Variants in TM9SF2 observed in about 807,000 individuals in gnomAD.
TM9SF2 encodes transmembrane 9 superfamily member 2.
TM9SF2 carries 13 observed loss-of-function variants against 84.9 expected under a neutral mutation model. The ratio of observed to expected loss-of-function variants is 0.15; its 90% confidence interval spans 0.10 to 0.24. The LOEUF (loss-of-function observed/expected upper bound fraction) is 0.24. TM9SF2 is among the 10% of genes least tolerant of loss of function. The pLI is 1.00. For synonymous variants in TM9SF2, 273 were observed against 285.8 expected, an observed-to-expected ratio of 0.96 and a Z score of 0.45; for missense variants, 562 against 818.5, an observed-to-expected ratio of 0.69 and a Z score of 3.82.
intron 1 of TM9SF2, among the ~76,000 whole-genome samples, chr13:99,517,412 A>T (rs983199610): frequency 1.3e-5 from 2 of 152,254 alleles, no homozygotes; most frequent in Non-Finnish European, 2.9e-5. Context: ...GGTGTGAGCC[A>T]CCATTCCTGG....
At chr13:99,516,426 T>C (rs2139076181) in intron 1 of TM9SF2, among the ~76,000 whole-genome samples, 1 of 152,302 alleles carries the variant, frequency 6.6e-6, no homozygotes, top group South Asian at 2.1e-4. Flanking sequence ...TAAATACTTG[T>C]CCCAGCTGAA....
At chr13:99,530,259 C>T (rs1014309358) in intron 4 of TM9SF2, among the ~76,000 whole-genome samples, 2 of 152,108 alleles carry the variant, frequency 1.3e-5, no homozygotes, top group Non-Finnish European at 2.9e-5. Context: ...CCCATCTCTA[C>T]TAAAAATACA....
At chr13:99,514,368 T>G (rs769147522) in intron 1 of TM9SF2, 1 of 152,218 alleles carries the variant, frequency 6.6e-6, no homozygotes, top group Non-Finnish European at 1.5e-5. Context: ...TGCATTTTGA[T>G]TGTACCTATT....
chr13:99,539,054 T>C (rs1458312864), intron 6 of TM9SF2, among the ~76,000 whole-genome samples: 1 of 150,926 alleles, frequency 6.6e-6, no homozygotes, highest in Admixed American at 6.6e-5. Flanking sequence ...AAATGAAAAA[T>C]TAGCTGGGCG....
intron 16 of TM9SF2, among the ~76,000 whole-genome samples, chr13:99,561,350 A>G (rs1357810080): frequency 6.6e-6 from 1 of 152,252 alleles, no homozygotes; most frequent in African/African-American, 2.4e-5. Context: ...AACAAAATTA[A>G]GTAACTAAAC....
Position 99,526,131 on chromosome 13 carries a change from C to T in TM9SF2, c.334-3336C>T, listed in dbSNP as rs148076820. 2.5e-3 allele frequency among the ~76,000 whole-genome samples: 383 copies of T among 152,258 alleles called. 4 individuals are homozygous for T. Among genetic ancestry groups the T allele is most frequent in the African/African-American group, 9.1e-3 (377 of 41,556 alleles). ...CTCAGTGAAGTAGGCAGCATGGCCACCCCACCTGTGAGTGAGGAGGGAGGC... is the reference window on the plus strand; with the variant it reads ...CTCAGTGAAGTAGGCAGCATGGCCATCCCACCTGTGAGTGAGGAGGGAGGC... On this transcript the variant is annotated intron_variant, in intron 3 of 16. Transcript: ENST00000376387.
At chr13:99,532,616 A>G (rs1205331007) in intron 4 of TM9SF2, among the ~76,000 whole-genome samples, 2 of 152,092 alleles carry the variant, frequency 1.3e-5, no homozygotes, top group Non-Finnish European at 2.9e-5. Context: ...CTTGAACCAA[A>G]GAATACTGTT....
rs1438243365 is a variant in TM9SF2, at chr13:99,545,093, G to C, written c.1150+1098G>C. 2.6e-5 allele frequency among the ~76,000 whole-genome samples: 4 copies of C among 152,096 alleles called. No individual in the cohort carries two copies. The South Asian group carries it at 8.3e-4, about 31-fold the overall frequency. On this transcript the variant is annotated intron_variant, in intron 10 of 16. Transcript: ENST00000376387. Reference sequence around the variant, plus strand: ...AAATAGCAACAAATGAATATACTGGGAGAATTCAGAAACTAACCTTTAATA... The same window carrying C: ...AAATAGCAACAAATGAATATACTGGCAGAATTCAGAAACTAACCTTTAATA...
rs190613700 is a variant in TM9SF2, at chr13:99,546,422, G to C, written c.1151-563G>C. Among the ~76,000 whole-genome samples, 710 of 152,290 alleles carry C rather than the reference G, an allele frequency of 4.7e-3. 3 individuals carry two copies. The highest frequency in any genetic ancestry group is 6.1e-3 in the Non-Finnish European group (414 of 68,024). On this transcript the variant is annotated intron_variant, in intron 10 of 16. Transcript: ENST00000376387. ...CAAACAAAGCTAACCACGTGAATAAGGTAGGGCCAGGGTTTCCCCGTATTG... is the reference window on the plus strand; with the variant it reads ...CAAACAAAGCTAACCACGTGAATAACGTAGGGCCAGGGTTTCCCCGTATTG...
At chr13:99,544,789 C>G (rs748908978) in intron 10 of TM9SF2, among the ~76,000 whole-genome samples, 13 of 152,094 alleles carry the variant, frequency 8.5e-5, no homozygotes, top group Admixed American at 5.9e-4. Flanking sequence ...TAGGAAAGAC[C>G]TTCCTTCCTC....
rs1171287380 is a variant in TM9SF2, at chr13:99,532,060, C to CT, written c.461+2475dup. 5.7e-3 allele frequency among the ~76,000 whole-genome samples: 800 copies of CT among 141,458 alleles called. 4 individuals carry two copies. Among genetic ancestry groups the CT allele is most frequent in the African/African-American group, 0.02 (767 of 38,448 alleles). 92.8% of individuals were successfully genotyped at this position (141,458 alleles called of 152,430 possible). On this transcript the variant is annotated intron_variant, in intron 4 of 16. Transcript: ENST00000376387. ...GGTCTGTGGATGATTTTTTTTTTTT[C>CT]TTTTTTTTTGAGACGGAATCTCGTT...
chr13:99,561,545 G>A (rs932396028), intron 16 of TM9SF2, among the ~76,000 whole-genome samples: 1 of 152,132 alleles, frequency 6.6e-6, no homozygotes. Context: ...TATGCAAAAG[G>A]TATATTTGTA....
chr13:99,504,928 A>G (rs1437817519), intron 1 of TM9SF2, among the ~76,000 whole-genome samples: 2 of 152,052 alleles, frequency 1.3e-5, no homozygotes, highest in Non-Finnish European at 2.9e-5. Context: ...ATTTTTCTCT[A>G]TTATGAATAG....
In TM9SF2 at chr13:99,501,484, A is replaced by G. The variant is rs750267668; in HGVS notation, c.-123A>G. 3.0e-5 allele frequency: 39 copies of G among 1,300,404 alleles called. No homozygotes were observed. Among genetic ancestry groups the G allele is most frequent in the South Asian group, 2.7e-4 (19 of 70,700 alleles). The allele number at this position is 1,300,404 out of a possible 1,614,324, so 80.6% of individuals were successfully genotyped here. On this transcript the variant is annotated 5_prime_UTR_variant, in exon 1 of 17. Transcript: ENST00000376387. The stretch of plus-strand genomic sequence containing the variant: ...CGGGGTGTCTCCTAGCGCAACCGGA[A>G]CTAGCCTTCTGGGGGCCGGCTTCCT...
chr13:99,508,404 A>AACACACACACACACACACACACAC (rs61561266), intron 1 of TM9SF2, among the ~76,000 whole-genome samples: 19 of 134,414 alleles, frequency 1.4e-4, no homozygotes, highest in African/African-American at 4.9e-4. Context: ...AGGCAAACAA[A>AACACACACACACACACACACACAC]ACACACACAC....
chr13:99,539,389 C>T, intron 6 of TM9SF2, 57 bp from the exon 7 acceptor site: 1 of 1,058,140 alleles, frequency 9.5e-7, no homozygotes, highest in Non-Finnish European at 1.5e-6. Context: ...TAACCTTTAC[C>T]TCATTTTTAA....
At chr13:99,510,095 T>C (rs901557109) in intron 1 of TM9SF2, among the ~76,000 whole-genome samples, 11 of 152,214 alleles carry the variant, frequency 7.2e-5, no homozygotes, top group African/African-American at 2.4e-4. Context: ...ATGAATAGAA[T>C]GCAAGTCAAG....
chr13:99,540,690 A>G, intron 7 of TM9SF2, 24 bp from the exon 8 acceptor site: 2 of 1,598,946 alleles, frequency 1.3e-6, no homozygotes, highest in Non-Finnish European at 1.7e-6. Context: ...TGTTTACTTA[A>G]AGAGATTTTT....
At chr13:99,550,189 A>G (rs61972548) in intron 12 of TM9SF2, among the ~76,000 whole-genome samples, 4,986 of 152,126 alleles carry the variant, frequency 0.033, 113 homozygotes, top group Middle Eastern at 0.11. Flanking sequence ...TATTCCTCCA[A>G]ATAGGCTCAT....
Sources: gnomAD v4.1 joint callset for allele counts (sites outside exome capture counted in the v4.1 genomes callset) on GRCh38, gnomAD v4.1.1 for gene constraint, MANE v1.5 for transcripts, NCBI Gene and HGNC (gene_info 2026-07-23, HGNC 2026-07-21) for gene names.